Variants in PVT1 observed in about 807,000 individuals in gnomAD.
PVT1 encodes the protein CXCR4/PVT1 fusion.
At chr8:128,039,402 C>T (rs1458223793) in intron 4 of PVT1, among the ~76,000 whole-genome samples, 4 of 152,334 alleles carry the variant, frequency 2.6e-5, no homozygotes, top group African/African-American at 9.6e-5. Flanking sequence ...CTAGTTAACA[C>T]CTTTCAGTGT....
At chr8:127,978,914 G>A (rs184242031) in intron 3 of PVT1, among the ~76,000 whole-genome samples, 139 of 151,698 alleles carry the variant, frequency 9.2e-4, no homozygotes, top group Admixed American at 2.7e-3. Flanking sequence ...ATGTATTTAC[G>A]TGTGTGTCTG....
intron 2 of PVT1, among the ~76,000 whole-genome samples, chr8:127,834,358 G>A (rs921835486): frequency 6.6e-6 from 1 of 152,044 alleles, no homozygotes; most frequent in African/African-American, 2.4e-5. Flanking sequence ...AGGAAAACCG[G>A]CTAGCCATAT....
intron 2 of PVT1, chr8:127,854,788 C>T (rs1422383396): frequency 2.3e-5 from 4 of 171,740 alleles, no homozygotes; most frequent in Admixed American, 6.3e-5. Context: ...CCTGCGTCTT[C>T]GTATTTTGTG....
intron 2 of PVT1, among the ~76,000 whole-genome samples, chr8:127,859,224 G>T (rs1007184955): frequency 2.6e-5 from 4 of 152,070 alleles, no homozygotes; most frequent in African/African-American, 9.7e-5. Context: ...TTGATTGTCG[G>T]CTTGGCTCTT....
At chr8:127,967,381 G>T (rs900193802) in intron 3 of PVT1, among the ~76,000 whole-genome samples, 3 of 152,238 alleles carry the variant, frequency 2.0e-5, no homozygotes, top group African/African-American at 7.2e-5. Flanking sequence ...CTGCGCTCTT[G>T]TTTGCCCAAG....
intron 3 of PVT1, among the ~76,000 whole-genome samples, chr8:127,935,087 C>T (rs960066109): frequency 2.6e-5 from 4 of 152,104 alleles, no homozygotes; most frequent in Non-Finnish European, 5.9e-5. Context: ...CTGCCTCAGC[C>T]GCCGTAGTAG....
At chr8:128,014,839 CAG>C (rs1369053629) in intron 4 of PVT1, among the ~76,000 whole-genome samples, 1 of 152,184 alleles carries the variant, frequency 6.6e-6, no homozygotes, top group East Asian at 1.9e-4. Context: ...TTTGTACTCT[CAG>C]AGTCTTGTGC....
chr8:127,840,902 C>T (rs776295254), intron 2 of PVT1, among the ~76,000 whole-genome samples: 1 of 152,316 alleles, frequency 6.6e-6, no homozygotes, highest in African/African-American at 2.4e-5. Flanking sequence ...AGTGGGATGG[C>T]GAATGAAGAA....
intron 2 of PVT1, among the ~76,000 whole-genome samples, chr8:127,808,346 C>G (rs1415789080): frequency 6.6e-6 from 1 of 152,160 alleles, no homozygotes; most frequent in Non-Finnish European, 1.5e-5. Flanking sequence ...CGGCGTCCAG[C>G]CTGTTCTTTA....
intron 3 of PVT1, among the ~76,000 whole-genome samples, chr8:127,920,619 T>C (rs1816045337): frequency 1.3e-5 from 2 of 152,376 alleles, no homozygotes; most frequent in Admixed American, 6.5e-5. Context: ...GGCTTGTTAC[T>C]ACTAGTTGAT....
intron 2 of PVT1, among the ~76,000 whole-genome samples, chr8:127,873,000 C>T (rs945630196): frequency 6.6e-6 from 1 of 152,210 alleles, no homozygotes; most frequent in African/African-American, 2.4e-5. Context: ...CTGCTCTCTC[C>T]TACTGAGCCC....
chr8:128,072,250 A>C (rs1814007322), intron 5 of PVT1, among the ~76,000 whole-genome samples: 2 of 152,158 alleles, frequency 1.3e-5, no homozygotes, highest in South Asian at 2.1e-4. Flanking sequence ...AAAGACCACA[A>C]AGACATAGTG....
chr8:127,853,261 G>A (rs1308690194), intron 2 of PVT1, among the ~76,000 whole-genome samples: 2 of 152,180 alleles, frequency 1.3e-5, no homozygotes, highest in African/African-American at 4.8e-5. Context: ...TCCTGGAAGA[G>A]GTGGAACGTG....
intron 2 of PVT1, among the ~76,000 whole-genome samples, chr8:127,879,942 A>G (rs1815446543): frequency 6.6e-6 from 1 of 152,162 alleles, no homozygotes; most frequent in Admixed American, 6.5e-5. Context: ...AAGTCACTTT[A>G]CTTCTCCAGG....
At chr8:127,890,926 GGAATGTAA>G (rs1418734957) in exon 3 of PVT1, 1 of 152,318 alleles carries the variant, frequency 6.6e-6, no homozygotes, top group Admixed American at 6.5e-5. Context: ...GTCTCCCTAT[GGAATGTAA>G]GACCCCGACT....
At chr8:127,869,257 A>G (rs1029146464) in intron 2 of PVT1, among the ~76,000 whole-genome samples, 25 of 151,790 alleles carry the variant, frequency 1.6e-4, no homozygotes, top group Non-Finnish European at 7.4e-5. Flanking sequence ...CAGCCTCCTG[A>G]GTAGCTGGGA....
At chr8:127,853,647 G>C (rs888376767) in intron 2 of PVT1, among the ~76,000 whole-genome samples, 15 of 152,016 alleles carry the variant, frequency 9.9e-5, no homozygotes, top group African/African-American at 3.6e-4. Flanking sequence ...TGGGTGTGGT[G>C]GTGGGTGCCT....
chr8:127,979,769 G>A (rs911996738), intron 3 of PVT1, among the ~76,000 whole-genome samples: 4 of 152,180 alleles, frequency 2.6e-5, no homozygotes, highest in African/African-American at 9.7e-5. Flanking sequence ...ATTGTATTCG[G>A]CCAAGGCAGT....
chr8:127,831,307 A>G (rs916089562), intron 2 of PVT1, among the ~76,000 whole-genome samples: 1 of 151,992 alleles, frequency 6.6e-6, no homozygotes, highest in African/African-American at 2.4e-5. Flanking sequence ...TAAAAAAAAA[A>G]AAGAATGACT....
Sources: gnomAD v4.1 joint callset for allele counts (sites outside exome capture counted in the v4.1 genomes callset) on GRCh38, gnomAD v4.1.1 for gene constraint, MANE v1.5 for transcripts, NCBI Gene and HGNC (gene_info 2026-07-23, HGNC 2026-07-21) for gene names.